Variants in POR observed in about 807,000 individuals in gnomAD.
POR encodes the protein cytochrome p450 oxidoreductase, also known as NADPH--cytochrome P450 reductase.
Under a neutral mutation model 84.0 loss-of-function variants are expected in POR, and 56 were observed. The observed-to-expected ratio is 0.67, with a 90% CI of 0.54 to 0.83. POR has a LOEUF of 0.83. Among genes scored for constraint, POR ranks in the 40% least tolerant of loss-of-function variants. The pLI, the probability that POR is intolerant of heterozygous loss-of-function variation, is 0.00. For synonymous variants in POR, 414 were observed against 400.5 expected, an observed-to-expected ratio of 1.03 and a Z score of -0.40; for missense variants, 938 against 944.3, an observed-to-expected ratio of 0.99 and a Z score of 0.09.
chr7:75,926,566 C>T (rs1012280155), intron 1 of POR, among the ~76,000 whole-genome samples: 25 of 151,984 alleles, frequency 1.6e-4, no homozygotes, highest in African/African-American at 5.5e-4. Flanking sequence ...GAGGCCGAGG[C>T]GGGCAGATCA....
intron 1 of POR, among the ~76,000 whole-genome samples, chr7:75,950,572 C>G (rs1294248555): frequency 6.6e-6 from 1 of 152,152 alleles, no homozygotes; most frequent in Non-Finnish European, 1.5e-5. Context: ...CTCTGTGGGA[C>G]AAGTCCTTCC....
At chr7:75,953,942 C>T (rs1483721586) in intron 1 of POR, 47 bp from the exon 2 acceptor site, 2 of 1,453,172 alleles carry the variant, frequency 1.4e-6, no homozygotes, top group African/African-American at 2.8e-5. Flanking sequence ...GCCTCAGGGG[C>T]ACCCTGCTAC....
chr7:75,969,705 G>A (rs1234643096), intron 2 of POR, among the ~76,000 whole-genome samples: 4 of 152,192 alleles, frequency 2.6e-5, no homozygotes, highest in South Asian at 2.1e-4. Flanking sequence ...TGGCTAGGGA[G>A]TGAGAAGTGC....
intron 1 of POR, among the ~76,000 whole-genome samples, chr7:75,925,350 C>G (rs542344790): frequency 2.3e-4 from 35 of 152,066 alleles, no homozygotes; most frequent in African/African-American, 8.2e-4. Flanking sequence ...CCTGTCCCTT[C>G]AACAAGAAAA....
chr7:75,984,787 CAAG>C lies in POR; in HGVS notation c.1081_1083del (p.Lys361del), dbSNP rs1789304007. The C allele has an allele frequency of 1.2e-6, 2 of 1,612,420 alleles. No individual in the cohort carries two copies. The highest frequency in any genetic ancestry group is 1.7e-6 in the Non-Finnish European group (2 of 1,179,776). On this transcript the variant is annotated inframe_deletion, in exon 11 of 16. Transcript: ENST00000461988. Reference sequence around the variant, plus strand: ...GTCTCTTCCCTGCAGAGGAGTCCAACAAGAAGCACCCATTCCCGTGCCCTACGT... The same window carrying C: ...GTCTCTTCCCTGCAGAGGAGTCCAACAAGCACCCATTCCCGTGCCCTACGT...
rs149478048 is a variant in POR, at chr7:75,965,768, C to G, written c.189-6645C>G. 1.9e-3 allele frequency among the ~76,000 whole-genome samples: 293 copies of G among 152,288 alleles called. 8 individuals are homozygous for G. In the South Asian group the frequency reaches 0.038, roughly 20 times the overall value. ...CAGCAGGCTTTCTGAGCTTCACAGA[C>G]TTGCTCACGGAGTCCTGATGTGAAC... On this transcript the variant is annotated intron_variant, in intron 2 of 15. Coordinates refer to ENST00000461988, the MANE Select transcript of POR (RefSeq NM_000941.3).
chr7:75,979,834 T>G, intron 4 of POR: 1 of 463,228 alleles, frequency 2.2e-6, no homozygotes, highest in African/African-American at 2.0e-5. Flanking sequence ...CCGGCTGCCC[T>G]CCTGGCGGCC....
chr7:75,979,567 G>C lies in POR; in HGVS notation c.354G>C (p.Glu118Asp). The change falls in exon 4 of 16, where the codon GAG (glutamate) becomes GAC (aspartate). Residue 118 changes from glutamate (E) to aspartate (D), a missense_variant. Transcript: ENST00000461988. ...TGCGAGGCATGTCAGCGGACCCTGA[G>C]GAGTATGACCTGGTAAGCTGCCACC... 6.2e-7 allele frequency: 1 copy of C among 1,613,416 alleles called. No homozygotes were observed. Among genetic ancestry groups the C allele is most frequent in the Non-Finnish European group, 8.5e-7 (1 of 1,179,818 alleles).
At chr7:75,945,171 C>G (rs1178683792) in intron 1 of POR, among the ~76,000 whole-genome samples, 1 of 152,054 alleles carries the variant, frequency 6.6e-6, no homozygotes, top group Non-Finnish European at 1.5e-5. Context: ...GTCCCACCTA[C>G]TCAGGAGGCC....
chr7:75,974,618 C>T (rs1788594625), intron 3 of POR, among the ~76,000 whole-genome samples: 2 of 150,754 alleles, frequency 1.3e-5, no homozygotes, highest in South Asian at 4.2e-4. Flanking sequence ...TCTCCACCTC[C>T]CGGGTTCAAG....
At chr7:75,981,009 C>T (rs1381287882) in intron 5 of POR, 39 bp from the exon 6 acceptor site, 12 of 1,528,292 alleles carry the variant, frequency 7.9e-6, no homozygotes, top group African/African-American at 4.1e-5. Flanking sequence ...CTGGTCAGGT[C>T]GAGGGCCAGG....
intron 1 of POR, among the ~76,000 whole-genome samples, chr7:75,930,773 C>T (rs987714115): frequency 8.5e-5 from 13 of 152,114 alleles, no homozygotes; most frequent in African/African-American, 1.4e-4. Context: ...CCGCCCACCT[C>T]GACCTCCCAG....
chr7:75,968,222 C>T (rs1554555606), intron 2 of POR: 1 of 466,540 alleles, frequency 2.1e-6, no homozygotes, highest in East Asian at 7.0e-5. Flanking sequence ...GAGACTTCCT[C>T]CTGGCGGGGA....
chr7:75,938,268 C>G (rs1325656861), intron 1 of POR, among the ~76,000 whole-genome samples: 1 of 152,190 alleles, frequency 6.6e-6, no homozygotes, highest in Non-Finnish European at 1.5e-5. Context: ...GAATGTTCTC[C>G]AGGATACCTT....
chr7:75,950,092 G>A (rs572300795), intron 1 of POR, among the ~76,000 whole-genome samples: 7 of 148,834 alleles, frequency 4.7e-5, no homozygotes, highest in Admixed American at 4.0e-4. Context: ...GGATGGTCTC[G>A]ATCTCCTGAC....
chr7:75,931,060 C>G (rs1027572937), intron 1 of POR, among the ~76,000 whole-genome samples: 1 of 150,912 alleles, frequency 6.6e-6, no homozygotes, highest in Non-Finnish European at 1.5e-5. Flanking sequence ...TGGCCTCAAT[C>G]CATCCTCCCG....
At position 75,954,096 on chromosome 7, in the gene POR, C is replaced by T. The variant is rs374350596; in HGVS notation, c.104C>T (p.Ser35Leu). The stretch of plus-strand genomic sequence containing the variant: ...AGCATGACGGACATGATTCTGTTTT[C>T]GCTCATCGTGGGTCTCCTAACCTAC... The change falls in exon 2 of 16, where the codon TCG becomes TTG. Residue 35 changes from serine to leucine, a missense_variant. Ser to Leu is a moderately radical substitution (Grantham distance 145). Transcript: ENST00000461988. The T allele has an allele frequency of 6.8e-6, 11 of 1,613,194 alleles. No individual in the cohort carries two copies. Among genetic ancestry groups the T allele is most frequent in the South Asian group, 4.4e-5 (4 of 90,860 alleles).
At chr7:75,930,431 A>G (rs1807356587) in intron 1 of POR, among the ~76,000 whole-genome samples, 1 of 152,108 alleles carries the variant, frequency 6.6e-6, no homozygotes, top group African/African-American at 2.4e-5. Context: ...GTGGTGACCT[A>G]TGATTGCACC....
chr7:75,932,106 T>C, intron 1 of POR, among the ~76,000 whole-genome samples: 1 of 152,214 alleles, frequency 6.6e-6, no homozygotes. Flanking sequence ...GAAAAATAAT[T>C]TGACAGTAAG....
Sources: allele counts gnomAD v4.1 joint callset (sites outside exome capture counted in the v4.1 genomes callset), GRCh38; gene constraint gnomAD v4.1.1; transcripts MANE v1.5; gene names NCBI Gene and HGNC (gene_info 2026-07-23, HGNC 2026-07-21).